Variants in ADGRV1 observed in about 807,000 individuals in gnomAD.
ADGRV1 encodes the protein adhesion G protein-coupled receptor V1.
In ADGRV1, 359 loss-of-function variants were observed where a neutral mutation model predicts 596.2. The ratio of observed to expected loss-of-function variants is 0.60; its 90% confidence interval spans 0.55 to 0.66. The LOEUF (loss-of-function observed/expected upper bound fraction) is 0.66. Among genes scored for constraint, ADGRV1 ranks in the 30% least tolerant of loss-of-function variants. ADGRV1 has a pLI of 0.00. For missense variants in ADGRV1, 7,274 were observed against 7,575.6 expected (o/e 0.96, Z 1.48); for synonymous variants, 2,681 against 2,679.2 (o/e 1.00, Z -0.02).
At chr5:90,794,819 G>A (rs971224565) in intron 70 of ADGRV1, among the ~76,000 whole-genome samples, 1 of 152,122 alleles carries the variant, frequency 6.6e-6, no homozygotes. Flanking sequence ...AGTGGGTGCA[G>A]TCCATGGAGG....
In ADGRV1 at chr5:90,564,792, A is replaced by T. The variant is rs1158297993; in HGVS notation, c.22+5875A>T. Among the ~76,000 whole-genome samples the T allele has an allele frequency of 2.2e-5, 2 of 88,990 alleles. 1 individual carries two copies. The highest frequency in any genetic ancestry group is 1.2e-4 in the African/African-American group (2 of 17,268). 58.4% of individuals were successfully genotyped at this position (88,990 alleles called of 152,430 possible). On this transcript the variant is annotated intron_variant, in intron 1 of 89. Transcript: ENST00000405460. Reference sequence around the variant, plus strand: ...CAGGCGCCCGCCACTGCGCCCGGCTAATTTTTTGTATTTTTAGTAGAGACG... The same window carrying T: ...CAGGCGCCCGCCACTGCGCCCGGCTTATTTTTTGTATTTTTAGTAGAGACG...
At chr5:90,987,203 G>A (rs1280198477) in intron 85 of ADGRV1, among the ~76,000 whole-genome samples, 2 of 152,066 alleles carry the variant, frequency 1.3e-5, no homozygotes, top group Non-Finnish European at 2.9e-5. Flanking sequence ...ACCAGAGGCC[G>A]GGCGTGGTAG....
rs181383993 is a variant in ADGRV1, at chr5:90,694,710, T to C, written c.7945+9T>C. ...TCTGACCTTTGCTGAAGGTGAGCAA[T>C]GGTTCTAAATGAATTTCCGTTGCCC... On this transcript the variant is annotated intron_variant, in intron 33 of 89. Coordinates refer to ENST00000405460, the MANE Select transcript of ADGRV1 (RefSeq NM_032119.4). The C allele has an allele frequency of 1.9e-5, 29 of 1,540,380 alleles. No homozygotes were observed. In the East Asian group the frequency reaches 6.3e-4, roughly 34 times the overall value.
intron 85 of ADGRV1, among the ~76,000 whole-genome samples, chr5:91,068,201 A>G (rs745314299): frequency 4.6e-5 from 7 of 152,306 alleles, no homozygotes; most frequent in Non-Finnish European, 1.0e-4. Context: ...TCACGCCTAT[A>G]AACCCAGCAC....
chr5:90,972,467 G>A (rs1291235939), intron 84 of ADGRV1, among the ~76,000 whole-genome samples: 1 of 152,122 alleles, frequency 6.6e-6, no homozygotes, highest in South Asian at 2.1e-4. Context: ...GCACTCCTCA[G>A]CAAATGTAAA....
At position 91,088,373 on chromosome 5, in the gene ADGRV1, A is replaced by AT. The variant is rs576851059; in HGVS notation, c.18311-13838dup. Among the ~76,000 whole-genome samples, 282 of 152,120 alleles carry AT rather than the reference A, an allele frequency of 1.9e-3. 1 individual carries two copies. The highest frequency in any genetic ancestry group is 6.1e-3 in the African/African-American group (254 of 41,508). ...AGCTGCTTTGCTACCATGAAAAAAA[A>AT]TTTTTTTTACAAACATCTTTCACAG... On this transcript the variant is annotated intron_variant, in intron 86 of 89. Coordinates refer to ENST00000405460, the MANE Select transcript of ADGRV1 (RefSeq NM_032119.4).
chr5:90,819,764 C>T (rs1416598800), intron 75 of ADGRV1, among the ~76,000 whole-genome samples: 1 of 152,032 alleles, frequency 6.6e-6, no homozygotes, highest in Non-Finnish European at 1.5e-5. Context: ...AGTTTGATTG[C>T]ACTGTGGTCT....
chr5:90,956,106 C>T (rs572512755), intron 83 of ADGRV1, among the ~76,000 whole-genome samples: 25 of 152,216 alleles, frequency 1.6e-4, no homozygotes, highest in African/African-American at 5.1e-4. Context: ...TATATGTATG[C>T]TTATCTAAGT....
intron 87 of ADGRV1, among the ~76,000 whole-genome samples, chr5:91,140,929 A>G (rs1159261439): frequency 6.6e-6 from 1 of 152,238 alleles, no homozygotes; most frequent in Non-Finnish European, 1.5e-5. Flanking sequence ...GCTGAAGAAC[A>G]GGGATCAGAT....
chr5:91,162,735 A>T (rs1445123970), intron 89 of ADGRV1, among the ~76,000 whole-genome samples: 2 of 152,200 alleles, frequency 1.3e-5, no homozygotes, highest in African/African-American at 2.4e-5. Context: ...CTTGGCTAGA[A>T]GGTCACTAGT....
intron 1 of ADGRV1, among the ~76,000 whole-genome samples, chr5:90,595,598 T>C (rs1305664422): frequency 3.1e-5 from 4 of 130,658 alleles, no homozygotes; most frequent in Admixed American, 7.2e-5. Flanking sequence ...ATGGGGCGGC[T>C]GGCCGGGCGG....
intron 73 of ADGRV1, 134 bp downstream of exon 73, chr5:90,807,871 G>A (rs1348916070): frequency 2.9e-5 from 22 of 756,398 alleles, no homozygotes; most frequent in African/African-American, 1.8e-5. Flanking sequence ...AGAGCATCAC[G>A]TGGCGTGCAT....
At position 91,150,181 on chromosome 5, in the gene ADGRV1, T is replaced by C. The variant is rs1308694963; in HGVS notation, c.18584T>C (p.Ile6195Thr). The C allele has an allele frequency of 5.0e-6, 8 of 1,593,670 alleles. No individual in the cohort carries two copies. The highest frequency in any genetic ancestry group is 6.8e-6 in the Non-Finnish European group (8 of 1,170,956). The change falls in exon 88 of 90, where the codon ATC becomes ACC. Residue 6195 changes from isoleucine to threonine, a missense_variant. By Grantham distance (89) the Ile-to-Thr change is moderately conservative. Coordinates refer to ENST00000405460, the MANE Select transcript of ADGRV1 (RefSeq NM_032119.4). ...GSGMPPAGGE[I>T]SKSTQNLIGA... ...GGAATGCCTCCTGCTGGAGGGGAAA[T>C]CAGCAAGTCCACCCAGAATCTCATC... is the stretch of plus-strand genomic sequence containing the variant.
intron 52 of ADGRV1, among the ~76,000 whole-genome samples, chr5:90,748,818 TTTTTG>T (rs1316032410): frequency 7.9e-5 from 12 of 151,084 alleles, no homozygotes; most frequent in African/African-American, 2.9e-4. Context: ...ATCAAGTTTT[TTTTTG>T]TTTTTTTTTT....
intron 87 of ADGRV1, among the ~76,000 whole-genome samples, chr5:91,116,115 T>A (rs1301230242): frequency 2.6e-5 from 4 of 152,190 alleles, no homozygotes; most frequent in African/African-American, 9.7e-5. Flanking sequence ...GAGCATGAAT[T>A]CAAATATAAA....
In ADGRV1 at chr5:90,558,848, A is replaced by T. The variant is rs1379286644; in HGVS notation, c.-48A>T. 6.4e-7 allele frequency: 1 copy of T among 1,554,220 alleles called. No homozygotes were observed. The highest frequency in any genetic ancestry group is 2.4e-5 in the East Asian group (1 of 41,914). The stretch of plus-strand genomic sequence containing the variant: ...AGGAGTACGGACGGGAGTCAGAGGC[A>T]GAGCGAGGGTGTGTGGAGGGCCGGC... On this transcript the variant is annotated 5_prime_UTR_variant, in exon 1 of 90. Transcript: ENST00000405460.
intron 85 of ADGRV1, among the ~76,000 whole-genome samples, chr5:91,000,564 G>A (rs1781771022): frequency 6.6e-6 from 1 of 152,032 alleles, no homozygotes; most frequent in African/African-American, 2.4e-5. Flanking sequence ...TTTATTAGCA[G>A]TATGATTTTG....
At chr5:90,945,448 G>C (rs1330938252) in intron 83 of ADGRV1, among the ~76,000 whole-genome samples, 1 of 152,100 alleles carries the variant, frequency 6.6e-6, no homozygotes, top group East Asian at 1.9e-4. Context: ...ACATGGACTT[G>C]ACCAACACTG....
At chr5:91,011,351 C>T (rs1782703630) in intron 85 of ADGRV1, among the ~76,000 whole-genome samples, 1 of 151,960 alleles carries the variant, frequency 6.6e-6, no homozygotes, top group East Asian at 1.9e-4. Context: ...CATATTATTT[C>T]TAGTTCTTTT....
Sources: allele counts gnomAD v4.1 joint callset (sites outside exome capture counted in the v4.1 genomes callset), GRCh38; gene constraint gnomAD v4.1.1; transcripts MANE v1.5; gene names NCBI Gene and HGNC (gene_info 2026-07-23, HGNC 2026-07-21).